The following FHL1 variants were observed in gnomAD, a reference collection of about 807,000 sequenced individuals.
FHL1 encodes the protein four and a half LIM domains protein 1.
In FHL1, 1 loss-of-function variant was observed where a neutral mutation model predicts 20.3. The ratio of observed to expected loss-of-function variants is 0.05; its 90% CI spans 0.02 to 0.23. The LOEUF is 0.23. FHL1 is among the 10% of genes least tolerant of loss of function. The pLI is 1.00. For synonymous variants in FHL1, 82 were observed against 88.9 expected, an observed-to-expected ratio of 0.92 and a Z score of 0.44; for missense variants, 177 against 234.0, an observed-to-expected ratio of 0.76 and a Z score of 1.59.
upstream of FHL1, chrX:136,168,374 A>C (rs2072769695): frequency 8.9e-6 from 1 of 111,998 alleles, no homozygotes; most frequent in South Asian, 3.8e-4. Flanking sequence ...AAATACTAGG[A>C]GATAGAAATG....
At chrX:136,152,487 A>G (rs1205207223) in intron 1 of FHL1, among the ~76,000 whole-genome samples, 2 of 111,605 alleles carry the variant, frequency 1.8e-5, no homozygotes, top group Admixed American at 1.9e-4. Flanking sequence ...TGGGAGGCCA[A>G]GCCGGGCAGA....
intron 2 of FHL1, among the ~76,000 whole-genome samples, chrX:136,174,881 A>G (rs1011691620): frequency 2.4e-4 from 27 of 112,195 alleles, no homozygotes; most frequent in African/African-American, 8.1e-4. Context: ...CAGACCACAG[A>G]AAATAGGATA....
chrX:136,172,190 G>A (rs916444101), intron 2 of FHL1, among the ~76,000 whole-genome samples: 1 of 111,929 alleles, frequency 8.9e-6, no homozygotes, highest in South Asian at 3.7e-4. Context: ...CACTGCGCCC[G>A]GCCAAATCTG....
At chrX:136,161,661 T>A in intron 1 of FHL1, among the ~76,000 whole-genome samples, 1 of 112,144 alleles carries the variant, frequency 8.9e-6, no homozygotes, top group Non-Finnish European at 1.9e-5. Context: ...GCTGCCCAGT[T>A]GCTGAATTGT....
At chrX:136,189,157 T>C (rs1461056779) in intron 2 of FHL1, among the ~76,000 whole-genome samples, 1 of 112,146 alleles carries the variant, frequency 8.9e-6, no homozygotes, top group Non-Finnish European at 1.9e-5. Context: ...AATTAGCCAC[T>C]GGGCCCTTTC....
At chrX:136,190,197 A>G (rs73633448) in intron 2 of FHL1, among the ~76,000 whole-genome samples, 2,301 of 111,365 alleles carry the variant, frequency 0.021, 47 homozygotes, top group African/African-American at 0.071. Flanking sequence ...CTGCTCCTCT[A>G]GCTGCAGACT....
intron 2 of FHL1, among the ~76,000 whole-genome samples, chrX:136,187,327 T>G (rs2073331817): frequency 9.0e-6 from 1 of 110,872 alleles, no homozygotes; most frequent in Non-Finnish European, 1.9e-5. Flanking sequence ...AAATACATCT[T>G]TGGAAATAAA....
intron 1 of FHL1, among the ~76,000 whole-genome samples, chrX:136,203,857 G>A (rs1569530100): frequency 1.8e-5 from 2 of 112,151 alleles, no homozygotes; most frequent in African/African-American, 6.5e-5. Flanking sequence ...TAGTTAACCT[G>A]TATTTCTTAC....
chrX:136,172,933 A>C (rs1222251195), intron 2 of FHL1, among the ~76,000 whole-genome samples: 1 of 111,788 alleles, frequency 8.9e-6, no homozygotes, highest in Non-Finnish European at 1.9e-5. Context: ...GGGTTTCACC[A>C]TGTTGGCCAG....
Position 136,200,049 on chromosome X carries a change from G to A in FHL1, c.22+2915G>A, listed in dbSNP as rs981377774. The stretch of plus-strand genomic sequence containing the variant: ...CCAAAACTTTTAATTAAGATACTGA[G>A]GTTTATTTAGGCACCTCTCAGCATG... On this transcript the variant is annotated intron_variant, in intron 1 of 5. Transcript: ENST00000370683. 3.6e-5 allele frequency among the ~76,000 whole-genome samples: 4 copies of A among 112,276 alleles called. No homozygotes were observed. In the East Asian group the frequency reaches 1.1e-3, roughly 31 times the overall value.
At chrX:136,154,959 G>A (rs1311138819) in intron 1 of FHL1, among the ~76,000 whole-genome samples, 1 of 111,914 alleles carries the variant, frequency 8.9e-6, no homozygotes, top group Non-Finnish European at 1.9e-5. Flanking sequence ...CACTCACCTC[G>A]GCCTCCCAAA....
chrX:136,181,386 A>G (rs1010901367), intron 2 of FHL1, among the ~76,000 whole-genome samples: 2 of 112,179 alleles, frequency 1.8e-5, no homozygotes, highest in Non-Finnish European at 1.9e-5. Flanking sequence ...GAGGCTGGCT[A>G]CACTGTCATC....
rs1208658887 is a variant in FHL1 at position 136,210,961 on chromosome X, G to A, written c.*936G>A. ...AAACTCTAGAGGGGGAGTTGAGCAG[G>A]CGCCAGGGCTGTCATCAACATGGAT... is the stretch of plus-strand genomic sequence containing the variant. On this transcript the variant is annotated 3_prime_UTR_variant, in exon 6 of 6. Transcript: ENST00000370683. 2 of 380,389 alleles carry A rather than the reference G, an allele frequency of 5.3e-6. No individual in the cohort carries two copies. The highest frequency in any genetic ancestry group is 5.1e-5 in the South Asian group (2 of 38,836). 31.3% of individuals were successfully genotyped at this position (380,389 alleles called of 1,213,427 possible). A position where few individuals can be genotyped will look rare whatever the true frequency, so the allele number is the denominator to read the frequency against.
upstream of FHL1, among the ~76,000 whole-genome samples, chrX:136,193,954 AC>A (rs1452595287): frequency 1.9e-4 from 18 of 97,232 alleles, no homozygotes; most frequent in Admixed American, 1.0e-3. Context: ...TCACACCCCA[AC>A]CCCCCCCAGC....
chrX:136,185,722 T>A (rs2148331141), intron 2 of FHL1, among the ~76,000 whole-genome samples: 1 of 112,380 alleles, frequency 8.9e-6, no homozygotes, highest in Admixed American at 9.4e-5. Flanking sequence ...AAGCTACTCC[T>A]CTACTTTTAG....
chrX:136,186,620 T>C (rs759036989), intron 2 of FHL1, among the ~76,000 whole-genome samples: 27 of 110,776 alleles, frequency 2.4e-4, no homozygotes, highest in African/African-American at 8.9e-4. Flanking sequence ...CCCAGCACTT[T>C]GGGAGACCGA....
chrX:136,150,081 G>A (rs1352488883), intron 1 of FHL1, among the ~76,000 whole-genome samples: 6 of 111,885 alleles, frequency 5.4e-5, no homozygotes, highest in Admixed American at 1.9e-4. Context: ...TGTAAATGGC[G>A]TATCTTTTAC....
chrX:136,150,674 A>G (rs1167462941), intron 1 of FHL1, among the ~76,000 whole-genome samples: 1 of 112,273 alleles, frequency 8.9e-6, no homozygotes, highest in Non-Finnish European at 1.9e-5. Flanking sequence ...CGTTTATTCA[A>G]CAAACATTTG....
intron 1 of FHL1, among the ~76,000 whole-genome samples, chrX:136,149,634 A>G (rs764731528): frequency 5.4e-5 from 6 of 111,821 alleles, no homozygotes; most frequent in Non-Finnish European, 9.4e-5. Flanking sequence ...AGAAAAGGAA[A>G]ATATTTTTTT....
Sources: allele counts gnomAD v4.1 joint callset (sites outside exome capture counted in the v4.1 genomes callset), GRCh38; gene constraint gnomAD v4.1.1; transcripts MANE v1.5; gene names NCBI Gene and HGNC (gene_info 2026-07-23, HGNC 2026-07-21).